JAKMIP2: variants seen among roughly 807,000 people sequenced by gnomAD.
The protein encoded by JAKMIP2 is janus kinase and microtubule-interacting protein 2.
In JAKMIP2, 25 loss-of-function variants were observed where a neutral mutation model predicts 115.0. The ratio of observed to expected loss-of-function variants is 0.22; its 90% CI spans 0.16 to 0.30. The LOEUF is 0.30. Ranked by LOEUF, JAKMIP2 falls within the 10% of genes least tolerant of loss-of-function variation. JAKMIP2 has a pLI of 1.00. For missense variants in JAKMIP2, 642 were observed against 957.6 expected, an observed-to-expected ratio of 0.67 and a Z score of 4.35; for synonymous variants, 334 against 343.6, an observed-to-expected ratio of 0.97 and a Z score of 0.31.
At chr5:147,620,477 T>A (rs906643073) in intron 18 of JAKMIP2, among the ~76,000 whole-genome samples, 189 bp downstream of exon 18, 8 of 152,176 alleles carry the variant, frequency 5.3e-5, no homozygotes, top group African/African-American at 1.9e-4. Context: ...GAATATCTTA[T>A]AAGAATCTTA....
intron 16 of JAKMIP2, among the ~76,000 whole-genome samples, chr5:147,627,550 A>G (rs1156796300): frequency 6.6e-6 from 1 of 152,104 alleles, no homozygotes; most frequent in Non-Finnish European, 1.5e-5. Context: ...GAGGGATCAG[A>G]GAAAGTGATT....
Position 147,640,057 on chromosome 5 carries a change from A to C in JAKMIP2, c.1402-297T>G, listed in dbSNP as rs540858782. On this transcript the variant is annotated intron_variant, in intron 9 of 21. Coordinates refer to ENST00000616793, the MANE Select transcript of JAKMIP2 (RefSeq NM_001270941.2). ...ATGTAGTCAATTTTGGATCCAAATA[A>C]GAAAAAGTCATATCCAGATTTTGGA... Among the ~76,000 whole-genome samples, 211 of 152,352 alleles carry C rather than the reference A, an allele frequency of 1.4e-3. 1 individual carries two copies. Among genetic ancestry groups the C allele is most frequent in the Middle Eastern group, 3.4e-3 (1 of 294 alleles).
intron 1 of JAKMIP2, among the ~76,000 whole-genome samples, chr5:147,706,090 G>C (rs1329026438): frequency 6.6e-6 from 1 of 152,120 alleles, no homozygotes; most frequent in Non-Finnish European, 1.5e-5. Flanking sequence ...GTAGTGAAAT[G>C]CTGGAAATAA....
chr5:147,623,697 G>A lies in JAKMIP2; in HGVS notation c.1996-8C>T. The A allele has an allele frequency of 6.2e-7, 1 of 1,602,894 alleles. No homozygotes were observed. The highest frequency in any genetic ancestry group is 8.5e-7 in the Non-Finnish European group (1 of 1,169,846). On this transcript the variant is annotated splice_region_variant and splice_polypyrimidine_tract_variant and intron_variant, in intron 16 of 21. Coordinates refer to ENST00000616793, the MANE Select transcript of JAKMIP2 (RefSeq NM_001270941.2). ...TTCAATCTGCTGGATCCACTAAGGG[G>A]TTAACAAGACAAAAGTGTTTGACAT...
At chr5:147,609,041 C>T (rs1756175053) in intron 20 of JAKMIP2, among the ~76,000 whole-genome samples, 1 of 150,662 alleles carries the variant, frequency 6.6e-6, no homozygotes. Context: ...AATCTTTCTC[C>T]ATTCCTTTAT....
intron 4 of JAKMIP2, 89 bp from the exon 5 acceptor site, chr5:147,648,563 C>T (rs1758245639): frequency 2.8e-6 from 2 of 726,696 alleles, no homozygotes; most frequent in Non-Finnish European, 4.9e-6. Context: ...AAGTAATAGG[C>T]TCAGTTCTCT....
At position 147,623,626 on chromosome 5, in the gene JAKMIP2, C is replaced by A; in HGVS notation, c.2059G>T (p.Asp687Tyr). Residue 687 changes from aspartate (D) to tyrosine (Y), a missense_variant, in exon 17 of 22, where the codon GAC becomes TAC. Physicochemically the swap from Asp to Tyr is radical, Grantham distance 160. Transcript: ENST00000616793. ...LHQKMMELESDMEQFCKIKGY... is the reference protein window; with the variant it reads ...LHQKMMELESYMEQFCKIKGY... ...ATATCTCATCTTGTACTTACCATGTCACTTTCCAATTCCATCATTTTCTGG... is the reference window on the plus strand; with the variant it reads ...ATATCTCATCTTGTACTTACCATGTAACTTTCCAATTCCATCATTTTCTGG... 6.3e-7 allele frequency: 1 copy of A among 1,598,998 alleles called. No individual in the cohort carries two copies. The highest frequency in any genetic ancestry group is 1.1e-5 in the South Asian group (1 of 90,736).
chr5:147,726,963 T>G (rs1471853384), intron 1 of JAKMIP2, among the ~76,000 whole-genome samples: 1 of 152,220 alleles, frequency 6.6e-6, no homozygotes, highest in Non-Finnish European at 1.5e-5. Flanking sequence ...CAATGGAAAT[T>G]GCCCAGTGCT....
chr5:147,773,693 G>C (rs1045711911), intron 1 of JAKMIP2, among the ~76,000 whole-genome samples: 1 of 152,096 alleles, frequency 6.6e-6, no homozygotes, highest in Non-Finnish European at 1.5e-5. Context: ...TATGAATCAG[G>C]CATGTTTAAG....
intron 1 of JAKMIP2, among the ~76,000 whole-genome samples, chr5:147,706,773 A>G (rs966206555): frequency 1.8e-4 from 27 of 152,132 alleles, no homozygotes; most frequent in African/African-American, 6.3e-4. Context: ...CAACCAATAT[A>G]CTGCAAATAC....
intron 1 of JAKMIP2, among the ~76,000 whole-genome samples, chr5:147,684,823 TC>T (rs1421150596): frequency 6.6e-6 from 1 of 152,136 alleles, no homozygotes; most frequent in African/African-American, 2.4e-5. Context: ...AGGCTGTAGG[TC>T]CTGATAGAAA....
chr5:147,685,648 C>T (rs1238166179), intron 1 of JAKMIP2, among the ~76,000 whole-genome samples: 1 of 152,090 alleles, frequency 6.6e-6, no homozygotes, highest in South Asian at 2.1e-4. Flanking sequence ...TATTGATTTA[C>T]CTACTTAAAA....
chr5:147,756,166 G>T (rs550078851), intron 1 of JAKMIP2, among the ~76,000 whole-genome samples: 11 of 152,242 alleles, frequency 7.2e-5, no homozygotes, highest in African/African-American at 2.4e-4. Flanking sequence ...ACAATTATTT[G>T]AAAGAATTAT....
intron 10 of JAKMIP2, among the ~76,000 whole-genome samples, chr5:147,637,437 A>ATTGTTTTTTTTTTTTTTTTT (rs1757672343): frequency 1.3e-5 from 1 of 79,342 alleles, no homozygotes; most frequent in Non-Finnish European, 2.6e-5. Flanking sequence ...AATTCTTTTG[A>ATTGTTTTTTTTTTTTTTTTT]TTTTTTTTTT....
intron 5 of JAKMIP2, 86 bp from the exon 6 acceptor site, chr5:147,645,082 T>C: frequency 7.8e-7 from 1 of 1,274,558 alleles, no homozygotes; most frequent in South Asian, 1.4e-5. Context: ...AAAGCACCTC[T>C]GGAGACAGCC....
Position 147,654,777 on chromosome 5 carries a change from C to T in JAKMIP2, c.628-4230G>A, listed in dbSNP as rs549264506. On this transcript the variant is annotated intron_variant, in intron 3 of 21. Transcript: ENST00000616793. ...GACTAGGAGTGGTGAGAGAGGGCATCCTTGTCTTGTGCTGGTTTTCAAAGG... is the reference window on the plus strand; with the variant it reads ...GACTAGGAGTGGTGAGAGAGGGCATTCTTGTCTTGTGCTGGTTTTCAAAGG... Among the ~76,000 whole-genome samples, 6 of 152,240 alleles carry T rather than the reference C, an allele frequency of 3.9e-5. No individual in the cohort carries two copies. In the East Asian group the frequency reaches 5.8e-4, roughly 15 times the overall value.
chr5:147,651,020 A>G (rs1025659500), intron 3 of JAKMIP2, among the ~76,000 whole-genome samples: 5 of 152,166 alleles, frequency 3.3e-5, no homozygotes, highest in African/African-American at 9.7e-5. Flanking sequence ...GAAACTTCAG[A>G]CTTCCCAGTG....
intron 16 of JAKMIP2, among the ~76,000 whole-genome samples, 176 bp downstream of exon 16, chr5:147,628,575 G>T (rs1757215041): frequency 6.6e-6 from 1 of 152,008 alleles, no homozygotes; most frequent in African/African-American, 2.4e-5. Flanking sequence ...TCAGTGTATA[G>T]ACTTTTCGTT....
intron 1 of JAKMIP2, among the ~76,000 whole-genome samples, chr5:147,681,200 A>T (rs1296221097): frequency 6.6e-6 from 1 of 152,224 alleles, no homozygotes. Flanking sequence ...ATGGAGAGAA[A>T]GCACTCAGCA....
Sources: gnomAD v4.1 joint callset for allele counts (sites outside exome capture counted in the v4.1 genomes callset) on GRCh38, gnomAD v4.1.1 for gene constraint, MANE v1.5 for transcripts, NCBI Gene and HGNC (gene_info 2026-07-23, HGNC 2026-07-21) for gene names.